The following DAB1 variants were observed in gnomAD, a reference collection of about 807,000 sequenced individuals.
DAB1 encodes the protein disabled homolog 1.
In DAB1, 15 loss-of-function variants were observed where a neutral mutation model predicts 64.6. That is an observed-to-expected ratio of 0.23 (90% CI 0.16 to 0.36). The LOEUF is 0.36. Among genes scored for constraint, DAB1 ranks in the 10% least tolerant of loss-of-function variants. The pLI, the probability that DAB1 is intolerant of heterozygous loss-of-function variation, is 1.00. For missense variants in DAB1, 596 were observed against 706.7 expected, an observed-to-expected ratio of 0.84 and a Z score of 1.78; for synonymous variants, 235 against 251.9, an observed-to-expected ratio of 0.93 and a Z score of 0.64.
At chr1:58,126,566 A>C (rs1653105419) in intron 5 of DAB1, among the ~76,000 whole-genome samples, 1 of 151,068 alleles carries the variant, frequency 6.6e-6, no homozygotes, top group Non-Finnish European at 1.5e-5. Context: ...CTAACTCGTC[A>C]TCTAGCATTA....
At position 57,053,036 on chromosome 1, in the gene DAB1, T is replaced by C. The variant is rs146189178; in HGVS notation, c.723+9848A>G. ...TATAAAAGCACCTTCCCATCTTCTT[T>C]GCAGAAACTGCTTTCACACATATTA... On this transcript the variant is annotated intron_variant, in intron 9 of 14. Coordinates refer to ENST00000371236, the MANE Select transcript of DAB1 (RefSeq NM_001365792.1). Among the ~76,000 whole-genome samples the C allele has an allele frequency of 2.0e-3, 310 of 152,338 alleles. 1 individual carries two copies. The highest frequency in any genetic ancestry group is 7.0e-3 in the African/African-American group (292 of 41,578).
chr1:57,028,173 G>A (rs1177416499), intron 9 of DAB1, among the ~76,000 whole-genome samples: 1 of 152,148 alleles, frequency 6.6e-6, no homozygotes, highest in Admixed American at 6.5e-5. Context: ...CACACGGGGA[G>A]GTAATTGAAT....
intron 2 of DAB1, among the ~76,000 whole-genome samples, chr1:57,206,831 C>T (rs1665577688): frequency 6.6e-6 from 1 of 152,094 alleles, no homozygotes; most frequent in Non-Finnish European, 1.5e-5. Context: ...GATTTAGCCC[C>T]TTTTTCATCT....
intron 6 of DAB1, among the ~76,000 whole-genome samples, chr1:57,750,075 T>C (rs1648484567): frequency 6.6e-6 from 1 of 152,200 alleles, no homozygotes; most frequent in Middle Eastern, 3.2e-3. Flanking sequence ...AGCCCTGTGC[T>C]GCCTACAGTC....
chr1:57,655,196 A>G (rs1646301979), intron 6 of DAB1, among the ~76,000 whole-genome samples: 1 of 152,002 alleles, frequency 6.6e-6, no homozygotes, highest in Non-Finnish European at 1.5e-5. Flanking sequence ...TCAATCAACT[A>G]TCCATACATC....
Position 58,173,785 on chromosome 1 carries a change from G to A in DAB1, n.310-23197C>T, listed in dbSNP as rs975644544. ...ATCTGCCTCCCTACTAACTGGAAAGGCACCTGCACCTTAGTCTTTCTAAGT... is the reference window on the plus strand; with the variant it reads ...ATCTGCCTCCCTACTAACTGGAAAGACACCTGCACCTTAGTCTTTCTAAGT... On this transcript the variant is annotated intron_variant and non_coding_transcript_variant, in intron 4 of 20. Transcript: ENST00000485760. Among the ~76,000 whole-genome samples the A allele has an allele frequency of 4.6e-5, 7 of 152,220 alleles. No homozygotes were observed. The South Asian group carries it at 1.2e-3, about 27-fold the overall frequency.
chr1:58,014,967 C>A (rs1646718050), intron 5 of DAB1, among the ~76,000 whole-genome samples: 1 of 152,190 alleles, frequency 6.6e-6, no homozygotes, highest in Admixed American at 6.5e-5. Flanking sequence ...AAAGGCTGTG[C>A]TAAGCTCAGC....
In DAB1 at chr1:57,015,360, T is replaced by C. The variant is rs1182995620; in HGVS notation, c.967A>G (p.Met323Val). 6.2e-7 allele frequency: 1 copy of C among 1,614,052 alleles called. No homozygotes were observed. Among genetic ancestry groups the C allele is most frequent in the Non-Finnish European group, 8.5e-7 (1 of 1,180,008 alleles). Reference protein sequence around the residue: ...QQPLVQQQMVMGAQPPVAQVM... With the variant: ...QQPLVQQQMVVGAQPPVAQVM... ...TGAGCGACTGGTGGCTGGGCACCCA[T>C]GACCATCTGCTGTTGGACGAGGGGC... is the stretch of plus-strand genomic sequence containing the variant. Residue 323 changes from methionine to valine, a missense_variant, in exon 12 of 15, where the codon ATG becomes GTG. Met to Val is a conservative substitution (Grantham distance 21). Coordinates refer to ENST00000371236, the MANE Select transcript of DAB1 (RefSeq NM_001365792.1).
At chr1:57,593,345 T>C (rs1218494246) in intron 7 of DAB1, among the ~76,000 whole-genome samples, 1 of 152,222 alleles carries the variant, frequency 6.6e-6, no homozygotes, top group African/African-American at 2.4e-5. Flanking sequence ...TTTTTTGTTT[T>C]TCACAGCTGA....
At chr1:57,470,738 T>C (rs1186356797) in intron 7 of DAB1, among the ~76,000 whole-genome samples, 2 of 152,180 alleles carry the variant, frequency 1.3e-5, no homozygotes, top group Non-Finnish European at 2.9e-5. Context: ...TCAAATATTG[T>C]CCTAATTCCT....
intron 8 of DAB1, among the ~76,000 whole-genome samples, chr1:57,068,010 G>A (rs904283882): frequency 2.0e-5 from 3 of 152,146 alleles, no homozygotes; most frequent in Admixed American, 6.5e-5. Flanking sequence ...CTTTCCACCA[G>A]CTAAAGCAGG....
intron 1 of DAB1, among the ~76,000 whole-genome samples, chr1:57,325,207 G>A (rs947672867): frequency 6.6e-6 from 1 of 152,234 alleles, no homozygotes; most frequent in Non-Finnish European, 1.5e-5. Flanking sequence ...GGGAGAAAGA[G>A]CAGCTCCCAT....
At position 57,290,870 on chromosome 1, in the gene DAB1, T is replaced by A. The variant is rs531542739; in HGVS notation, c.67+94A>T. ...AATAACTATTTAAAAATATATGCAA[T>A]CATAAAGATATTTCTTTATATCATT... is the stretch of plus-strand genomic sequence containing the variant. On this transcript the variant is annotated intron_variant, in intron 2 of 14. Transcript: ENST00000371236. 19 of 673,618 alleles carry A rather than the reference T, an allele frequency of 2.8e-5. No homozygotes were observed. The South Asian group carries it at 4.2e-4, about 15-fold the overall frequency. The allele number at this position is 673,618 out of a possible 1,614,324, so 41.7% of individuals were successfully genotyped here. A position where few individuals can be genotyped will look rare whatever the true frequency, so the allele number is the denominator to read the frequency against.
chr1:57,254,646 C>G (rs1669619758), intron 2 of DAB1, among the ~76,000 whole-genome samples: 2 of 152,156 alleles, frequency 1.3e-5, no homozygotes, highest in African/African-American at 4.8e-5. Flanking sequence ...ACACTCCACT[C>G]ATCATGTTGG....
At chr1:57,003,054 C>T (rs990312635) in intron 14 of DAB1, among the ~76,000 whole-genome samples, 2 of 152,182 alleles carry the variant, frequency 1.3e-5, no homozygotes, top group Admixed American at 6.5e-5. Flanking sequence ...CAAATGGCCT[C>T]TCCTTCATAG....
At chr1:57,116,761 T>G (rs776913608) in intron 4 of DAB1, among the ~76,000 whole-genome samples, 3 of 152,182 alleles carry the variant, frequency 2.0e-5, no homozygotes, top group Non-Finnish European at 4.4e-5. Context: ...CAGATTTACC[T>G]TGAATCTACT....
At chr1:57,752,957 T>C (rs1357645682) in intron 6 of DAB1, among the ~76,000 whole-genome samples, 1 of 152,180 alleles carries the variant, frequency 6.6e-6, no homozygotes, top group Non-Finnish European at 1.5e-5. Flanking sequence ...CTAGGCAACA[T>C]AATATTTCAC....
chr1:58,476,663 A>T (rs981051291), intron 3 of DAB1, among the ~76,000 whole-genome samples: 1 of 152,218 alleles, frequency 6.6e-6, no homozygotes, highest in Non-Finnish European at 1.5e-5. Context: ...TCACAAAAAC[A>T]TGTTATGAGG....
At chr1:57,022,651 T>A (rs183598057) in intron 11 of DAB1, among the ~76,000 whole-genome samples, 76 of 152,342 alleles carry the variant, frequency 5.0e-4, no homozygotes, top group Non-Finnish European at 8.4e-4. Context: ...TTAAAAGTAA[T>A]TATAGAAAAA....
Sources: allele counts gnomAD v4.1 joint callset (sites outside exome capture counted in the v4.1 genomes callset), GRCh38; gene constraint gnomAD v4.1.1; transcripts MANE v1.5; gene names NCBI Gene and HGNC (gene_info 2026-07-23, HGNC 2026-07-21).